The following RORC variants were observed in gnomAD, a reference collection of about 807,000 sequenced individuals.
RORC encodes RAR related orphan receptor C, also known as nuclear receptor ROR-gamma.
RORC carries 13 observed loss-of-function variants against 64.5 expected under a neutral mutation model. That is an observed-to-expected ratio of 0.20 (90% CI 0.13 to 0.32). The LOEUF is 0.32. Among genes scored for constraint, RORC ranks in the 10% least tolerant of loss-of-function variants. RORC has a pLI of 1.00. For synonymous variants in RORC, 277 were observed against 259.3 expected (o/e 1.07, Z -0.65); for missense variants, 468 against 669.5 (o/e 0.70, Z 3.32).
intron 4 of RORC, among the ~76,000 whole-genome samples, chr1:151,816,418 G>A (rs913361095): frequency 1.3e-5 from 2 of 152,214 alleles, no homozygotes; most frequent in Non-Finnish European, 2.9e-5. Context: ...GAGATGAAGA[G>A]GTATGGGACC....
chr1:151,808,743 G>A (rs1476774700), intron 10 of RORC, among the ~76,000 whole-genome samples: 1 of 152,134 alleles, frequency 6.6e-6, no homozygotes, highest in Non-Finnish European at 1.5e-5. Flanking sequence ...ATTCTGGTGA[G>A]GGGCCCAGAA....
rs555131137 is a variant in RORC, at chr1:151,816,855, C to T, written c.157-50G>A. 17 of 1,462,980 alleles carry T rather than the reference C, an allele frequency of 1.2e-5. No homozygotes were observed. The South Asian group carries it at 2.2e-4, about 19-fold the overall frequency. 90.6% of individuals were successfully genotyped at this position (1,462,980 alleles called of 1,614,324 possible). On this transcript the variant is annotated intron_variant, in intron 3 of 10. Coordinates refer to ENST00000318247, the MANE Select transcript of RORC (RefSeq NM_005060.4). ...GACTGCTTATCCTGGTCAGGCCCAG[C>T]TCACTCACAAAGGCCTCCAGCCCAC...
chr1:151,826,285 G>A (rs371254586), intron 2 of RORC, among the ~76,000 whole-genome samples: 3 of 152,184 alleles, frequency 2.0e-5, no homozygotes, highest in African/African-American at 7.2e-5. Context: ...ACAGCCACAC[G>A]CGGTAAAAGC....
chr1:151,807,543 C>T lies in RORC; in HGVS notation c.1486G>A (p.Ala496Thr), dbSNP rs1651363420. ...TCCTTGTAGAGTGGAGGGAAAGCGG[C>T]TTGGACCACGATGGGGTGGAGGTGC... The part of the protein sequence containing the change: ...FQHLHPIVVQ[A>T]AFPPLYKELF... The change falls in exon 11 of 11, where the codon GCC becomes ACC. Residue 496 changes from alanine to threonine, a missense_variant. Transcript: ENST00000318247. This position sits in a 1 kb window ranked among gnomAD's most constrained non-coding sequence, Gnocchi z 5.0. 1.9e-6 allele frequency: 3 copies of T among 1,613,838 alleles called. No individual in the cohort carries two copies. The highest frequency in any genetic ancestry group is 2.5e-6 in the Non-Finnish European group (3 of 1,179,890).
intron 2 of RORC, among the ~76,000 whole-genome samples, chr1:151,828,784 G>T (rs1393765580): frequency 3.3e-5 from 5 of 152,114 alleles, no homozygotes; most frequent in Admixed American, 1.3e-4. Context: ...TCTGAGACCA[G>T]CCTGACCAAC....
At chr1:151,822,646 A>G (rs1404545816) in intron 2 of RORC, among the ~76,000 whole-genome samples, 1 of 152,160 alleles carries the variant, frequency 6.6e-6, no homozygotes. Context: ...AGACGTCACC[A>G]TCAGCACCTT....
At position 151,830,870 on chromosome 1, in the gene RORC, T is replaced by C. The variant is rs1572050170; in HGVS notation, c.40+855A>G. ...TCCTCCCTGACGTGGCACCGGCTCC[T>C]GGCCTCTAGCCTTGCACCTCAGAGC... is the stretch of plus-strand genomic sequence containing the variant. On this transcript the variant is annotated intron_variant, in intron 1 of 10. Transcript: ENST00000318247. The surrounding 1 kb of genome is among the most constrained non-coding windows in gnomAD (Gnocchi z 4.0). The C allele has an allele frequency of 8.6e-7, 1 of 1,162,260 alleles. No homozygotes were observed. Among genetic ancestry groups the C allele is most frequent in the South Asian group, 1.4e-5 (1 of 70,042 alleles). The allele number at this position is 1,162,260 out of a possible 1,614,324, so 72.0% of individuals were successfully genotyped here.
intron 2 of RORC, among the ~76,000 whole-genome samples, chr1:151,826,542 C>A (rs1308250161): frequency 6.6e-6 from 1 of 152,194 alleles, no homozygotes; most frequent in African/African-American, 2.4e-5. Flanking sequence ...GCCTGGGGGG[C>A]TGTCCCACCA....
Position 151,813,557 on chromosome 1 carries a change from C to G in RORC, c.997G>C (p.Glu333Gln). Residue 333 changes from glutamate to glutamine, a missense_variant, in exon 7 of 11, where the codon GAG becomes CAG. Coordinates refer to ENST00000318247, the MANE Select transcript of RORC (RefSeq NM_005060.4). ...HLTEAIQYVV[E>Q]FAKRLSGFME... ...AAGCCTGAGAGCCTCTTGGCGAACT[C>G]CACCACGTACTGAATGGCCTCGGTG... The G allele has an allele frequency of 6.2e-7, 1 of 1,614,148 alleles. No homozygotes were observed. Among genetic ancestry groups the G allele is most frequent in the Non-Finnish European group, 8.5e-7 (1 of 1,180,004 alleles).
intron 9 of RORC, chr1:151,811,974 G>A (rs891182600): frequency 6.6e-6 from 1 of 152,258 alleles, no homozygotes; most frequent in South Asian, 2.1e-4. Flanking sequence ...TGATAGTCTC[G>A]ATCTGCAAAC....
rs752902786 is a variant in RORC, at chr1:151,807,939, TTGTC to T, written c.1396-310_1396-307del. Among the ~76,000 whole-genome samples, 4 of 152,244 alleles carry T rather than the reference TTGTC, an allele frequency of 2.6e-5. No individual in the cohort carries two copies. The highest frequency in any genetic ancestry group is 6.5e-5 in the Admixed American group (1 of 15,290). ...GCACTTCCTGCTTTTATAAGAGTGA[TTGTC>T]TGTGACTCTTGTTGTATGCTGTCAC... On this transcript the variant is annotated intron_variant, in intron 10 of 10. Transcript: ENST00000318247. The surrounding 1 kb of genome is among the most constrained non-coding windows in gnomAD (Gnocchi z 5.0).
rs746187982 is a variant in RORC, at chr1:151,814,954, C to A, written c.770G>T (p.Arg257Leu). The change falls in exon 5 of 11, where the codon CGC (arginine) becomes CTC (leucine). Residue 257 changes from arginine to leucine, a missense_variant. Arg to Leu is a moderately radical substitution (Grantham distance 102). Coordinates refer to ENST00000318247, the MANE Select transcript of RORC (RefSeq NM_005060.4). ...GGCATAGGGTGCCTCCGGTGTGCTG[C>A]GGAAACTGGGGCTGCCGTAGCTGTC... ...GPDSYGSPSF[R>L]STPEAPYASL... 2 of 1,614,090 alleles carry A rather than the reference C, an allele frequency of 1.2e-6. No individual in the cohort carries two copies. The highest frequency in any genetic ancestry group is 2.2e-5 in the South Asian group (2 of 91,076).
Position 151,807,559 on chromosome 1 carries a change from G to A in RORC, c.1470C>T (p.His490=). ...GGAAAGCGGCTTGGACCACGATGGG[G>A]TGGAGGTGCTGGAAGATCTGCAGCC... ...VERLQIFQHL[H]PIVVQAAFPP... is the part of the protein sequence containing the mutation. The change falls in exon 11 of 11, where the codon CAC becomes CAT. Residue 490 remains histidine (H), a synonymous_variant. Transcript: ENST00000318247. The surrounding 1 kb of genome is among the most constrained non-coding windows in gnomAD (Gnocchi z 5.0). 6.2e-7 allele frequency: 1 copy of A among 1,613,924 alleles called. No homozygotes were observed. Among genetic ancestry groups the A allele is most frequent in the South Asian group, 1.1e-5 (1 of 91,076 alleles).
chr1:151,811,114 T>TGGAGGG (rs1651505751), intron 10 of RORC, among the ~76,000 whole-genome samples: 1 of 152,172 alleles, frequency 6.6e-6, no homozygotes, highest in African/African-American at 2.4e-5. Context: ...TGGAGGTCCC[T>TGGAGGG]CCCAATCCCA....
chr1:151,810,441 A>G (rs1651476552), intron 10 of RORC, among the ~76,000 whole-genome samples: 1 of 152,176 alleles, frequency 6.6e-6, no homozygotes, highest in South Asian at 2.1e-4. Flanking sequence ...TTATAGTTAT[A>G]CATAGGGGAC....
Position 151,816,678 on chromosome 1 carries a change from C to T in RORC, c.284G>A (p.Gly95Asp). 6.2e-7 allele frequency: 1 copy of T among 1,604,826 alleles called. No homozygotes were observed. Among genetic ancestry groups the T allele is most frequent in the South Asian group, 1.1e-5 (1 of 89,166 alleles). ...HCRLQKCLALGMSRDAVKFGR... is the reference protein window; with the variant it reads ...HCRLQKCLALDMSRDAVKFGR... ...CTTGGCCTCACCATCTCGGGACATG[C>T]CCAGCGCCAGGCATTTCTGCAGGCG... is the stretch of plus-strand genomic sequence containing the variant. Residue 95 changes from glycine to aspartate, a missense_variant, in exon 4 of 11, where the codon GGC (glycine) becomes GAC (aspartate). Transcript: ENST00000318247.
chr1:151,813,805 G>T, intron 6 of RORC, 185 bp from the exon 7 acceptor site: 1 of 632,514 alleles, frequency 1.6e-6, no homozygotes. Context: ...CCCACACACT[G>T]AGCACCTACC....
At position 151,814,637 on chromosome 1, in the gene RORC, C is replaced by T; in HGVS notation, c.870G>A (p.Glu290=). Reference sequence around the variant, plus strand: ...TGTTGGAGCGCTGCCGCAGCAGGTCCTCCAGCCGCAGCTGGCATGTCTCCC... The same window carrying T: ...TGTTGGAGCGCTGCCGCAGCAGGTCTTCCAGCCGCAGCTGGCATGTCTCCC... ...SYRETCQLRL[E]DLLRQRSNIF... is the part of the protein sequence containing the mutation. The change falls in exon 6 of 11, where the codon GAG becomes GAA. Residue 290 remains glutamate, a synonymous_variant. Transcript: ENST00000318247. 1 of 1,612,722 alleles carries T rather than the reference C, an allele frequency of 6.2e-7. No individual in the cohort carries two copies. The highest frequency in any genetic ancestry group is 8.5e-7 in the Non-Finnish European group (1 of 1,179,390).
At chr1:151,823,467 G>A (rs1652071442) in intron 2 of RORC, among the ~76,000 whole-genome samples, 1 of 152,192 alleles carries the variant, frequency 6.6e-6, no homozygotes, top group South Asian at 2.1e-4. Context: ...ATGGCAGGGT[G>A]CTGGTGCCAT....
Sources: gnomAD v4.1 joint callset for allele counts (sites outside exome capture counted in the v4.1 genomes callset) on GRCh38, gnomAD v4.1.1 for gene constraint, Gnocchi (gnomAD v3.1) non-coding constraint, MANE v1.5 for transcripts, NCBI Gene and HGNC (gene_info 2026-07-23, HGNC 2026-07-21) for gene names.